FRMPD4: variants seen among roughly 807,000 people sequenced by gnomAD.
FRMPD4 encodes the protein FERM and PDZ domain containing 4, also known as FERM and PDZ domain-containing protein 4.
Under a neutral mutation model 94.1 loss-of-function variants are expected in FRMPD4, and 22 were observed. The observed-to-expected ratio is 0.23, with a 90% confidence interval of 0.17 to 0.33. FRMPD4 has a LOEUF of 0.33. Ranked by LOEUF, FRMPD4 falls within the 10% of genes least tolerant of loss-of-function variation. The probability of loss-of-function intolerance (pLI) is 1.00; values close to 1 mark genes in which losing one functional copy is unlikely to be tolerated. For missense variants in FRMPD4, 1,111 were observed against 1,339.9 expected (o/e 0.83, Z 2.67); for synonymous variants, 631 against 548.6 (o/e 1.15, Z -2.10).
intron 3 of FRMPD4, among the ~76,000 whole-genome samples, chrX:12,121,083 A>G (rs1212267054): frequency 9.2e-6 from 1 of 109,024 alleles, no homozygotes; most frequent in African/African-American, 3.3e-5. Context: ...TTATAATAAT[A>G]CTAATAATTT....
intron 2 of FRMPD4, among the ~76,000 whole-genome samples, chrX:12,590,910 GCTTC>G (rs1182114869): frequency 8.9e-6 from 1 of 112,041 alleles, no homozygotes; most frequent in African/African-American, 3.2e-5. Flanking sequence ...AAAGAGAGAA[GCTTC>G]CTCCAAGAGC....
upstream of FRMPD4, among the ~76,000 whole-genome samples, chrX:12,135,821 A>T (rs988062663): frequency 2.7e-5 from 3 of 111,962 alleles, no homozygotes; most frequent in Non-Finnish European, 5.6e-5. Flanking sequence ...GAGCATCCCA[A>T]CTGTTCTCTT....
At chrX:11,980,712 A>G (rs1439186033) in intron 3 of FRMPD4, among the ~76,000 whole-genome samples, 1 of 112,131 alleles carries the variant, frequency 8.9e-6, no homozygotes. Context: ...CAAATTGAAC[A>G]TGCTCATTTA....
intron 5 of FRMPD4, among the ~76,000 whole-genome samples, chrX:12,680,323 G>C (rs1461457858): frequency 8.9e-6 from 1 of 112,269 alleles, no homozygotes; most frequent in East Asian, 2.8e-4. Context: ...AAGTGCTTGT[G>C]ATCAACACCT....
intron 1 of FRMPD4, among the ~76,000 whole-genome samples, chrX:12,383,088 C>T (rs1194301807): frequency 1.8e-5 from 2 of 111,683 alleles, no homozygotes; most frequent in Non-Finnish European, 3.8e-5. Context: ...TTTAAAAATG[C>T]TCAGTGAGTA....
intron 1 of FRMPD4, among the ~76,000 whole-genome samples, chrX:12,186,990 T>A (rs1175363247): frequency 8.9e-6 from 1 of 112,466 alleles, no homozygotes; most frequent in Non-Finnish European, 1.9e-5. Context: ...AAATCTGAAT[T>A]TATCTTACCT....
In FRMPD4 at chrX:11,935,253, T is replaced by TTG. The variant is rs1258244176; in HGVS notation, c.95+57236_95+57237insGT. Among the ~76,000 whole-genome samples, 197 of 37,979 alleles carry TTG rather than the reference T, an allele frequency of 5.2e-3. 8 individuals carry two copies. The highest frequency in any genetic ancestry group is 0.018 in the African/African-American group (156 of 8,816). The allele number at this position is 37,979 out of a possible 115,157, so 33.0% of individuals were successfully genotyped here. A position where few individuals can be genotyped will look rare whatever the true frequency, so the allele number is the denominator to read the frequency against. ...CCATGTTTGCTTTGTTTTGTTGTTT[T>TTG]TTTTTTTTTTAATGTGTTTTTTTTT... On this transcript the variant is annotated intron_variant, in intron 3 of 18. Transcript: ENST00000640291.
intron 1 of FRMPD4, among the ~76,000 whole-genome samples, chrX:12,466,532 T>A (rs1374595494): frequency 8.9e-6 from 1 of 112,514 alleles, no homozygotes; most frequent in African/African-American, 3.2e-5. Flanking sequence ...CCCAGAAGTT[T>A]TTTTCCTATG....
chrX:12,013,124 C>G (rs1357917222), intron 3 of FRMPD4, among the ~76,000 whole-genome samples: 1 of 111,880 alleles, frequency 8.9e-6, no homozygotes, highest in Non-Finnish European at 1.9e-5. Context: ...TAAGCAGTGT[C>G]TTGGATTCTA....
At chrX:12,431,078 C>G (rs186816549) in intron 1 of FRMPD4, among the ~76,000 whole-genome samples, 1 of 112,624 alleles carries the variant, frequency 8.9e-6, no homozygotes, top group Admixed American at 9.4e-5. Flanking sequence ...AGGAACGTAT[C>G]TTCAACCATT....
chrX:12,193,558 A>G (rs1423211890), intron 1 of FRMPD4, among the ~76,000 whole-genome samples: 1 of 106,502 alleles, frequency 9.4e-6, no homozygotes, highest in Non-Finnish European at 1.9e-5. Context: ...ATATCTGACA[A>G]GTAAAGGTAG....
intron 1 of FRMPD4, among the ~76,000 whole-genome samples, chrX:11,851,037 T>C (rs2053618762): frequency 9.0e-6 from 1 of 111,673 alleles, no homozygotes; most frequent in Non-Finnish European, 1.9e-5. Context: ...AGTGAAGCTA[T>C]TGATGTTCAT....
chrX:12,251,022 G>A (rs2054031749), intron 1 of FRMPD4, among the ~76,000 whole-genome samples: 1 of 112,264 alleles, frequency 8.9e-6, no homozygotes, highest in Non-Finnish European at 1.9e-5. Flanking sequence ...TATCCGCCAG[G>A]AAAGGAATAA....
At chrX:12,579,913 T>C (rs1469152567) in intron 2 of FRMPD4, among the ~76,000 whole-genome samples, 1 of 112,240 alleles carries the variant, frequency 8.9e-6, no homozygotes, top group Non-Finnish European at 1.9e-5. Flanking sequence ...TTTACTCCAT[T>C]AGAAGGAAAG....
At chrX:12,332,254 T>G (rs2055441816) in intron 1 of FRMPD4, among the ~76,000 whole-genome samples, 1 of 88,803 alleles carries the variant, frequency 1.1e-5, no homozygotes. Flanking sequence ...AATTTGGCCA[T>G]GGACTGAAGG....
chrX:12,537,476 A>C (rs1258104021), intron 2 of FRMPD4, among the ~76,000 whole-genome samples: 1 of 101,445 alleles, frequency 9.9e-6, no homozygotes, highest in Non-Finnish European at 2.0e-5. Context: ...TTTTTGAGAC[A>C]GAGTCTCCCC....
chrX:12,573,857 C>T (rs1346655414), intron 2 of FRMPD4, among the ~76,000 whole-genome samples: 1 of 112,092 alleles, frequency 8.9e-6, no homozygotes, highest in African/African-American at 3.2e-5. Context: ...AATGCAGAAG[C>T]AGATATGAAA....
At chrX:12,168,873 C>A (rs1186232080) in intron 1 of FRMPD4, among the ~76,000 whole-genome samples, 1 of 111,546 alleles carries the variant, frequency 9.0e-6, no homozygotes, top group East Asian at 2.8e-4. Context: ...GATCTGCCCG[C>A]CTCGGCCTCC....
chrX:11,949,134 G>A (rs2054206557), intron 3 of FRMPD4, among the ~76,000 whole-genome samples: 1 of 112,020 alleles, frequency 8.9e-6, no homozygotes, highest in African/African-American at 3.2e-5. Context: ...GGCAAAATTA[G>A]AGACTTGGAG....
Sources: gnomAD v4.1 joint callset for allele counts (sites outside exome capture counted in the v4.1 genomes callset) on GRCh38, gnomAD v4.1.1 for gene constraint, MANE v1.5 for transcripts, NCBI Gene and HGNC (gene_info 2026-07-23, HGNC 2026-07-21) for gene names.